The following MACROD2 variants were observed in gnomAD, a reference collection of about 807,000 sequenced individuals.
MACROD2 encodes mono-ADP ribosylhydrolase 2, also known as ADP-ribose glycohydrolase MACROD2.
A neutral mutation model predicts 70.4 loss-of-function variants in MACROD2; 36 were observed. The ratio of observed to expected loss-of-function variants is 0.51; its 90% confidence interval spans 0.39 to 0.68. The LOEUF is 0.68. Among genes scored for constraint, MACROD2 ranks in the 30% least tolerant of loss-of-function variants. The probability of loss-of-function intolerance (pLI) is 0.00; values close to 1 mark genes in which losing one functional copy is unlikely to be tolerated. For missense variants in MACROD2, 496 were observed against 538.4 expected, an observed-to-expected ratio of 0.92 and a Z score of 0.78; for synonymous variants, 172 against 178.8, an observed-to-expected ratio of 0.96 and a Z score of 0.30.
At chr20:14,194,066 C>A (rs974399050) in intron 3 of MACROD2, among the ~76,000 whole-genome samples, 18 of 152,126 alleles carry the variant, frequency 1.2e-4, no homozygotes, top group African/African-American at 4.3e-4. Flanking sequence ...GGTCAGTCTA[C>A]TGGAGGGACT....
intron 3 of MACROD2, among the ~76,000 whole-genome samples, chr20:14,115,846 A>G (rs565561579): frequency 6.6e-6 from 1 of 152,304 alleles, no homozygotes; most frequent in South Asian, 2.1e-4. Flanking sequence ...AGTGATTCTG[A>G]TTTTTCCTTA....
chr20:14,213,381 A>AAAAAAAAAAAAC (rs2081586868), intron 3 of MACROD2, among the ~76,000 whole-genome samples: 2 of 148,680 alleles, frequency 1.3e-5, no homozygotes, highest in African/African-American at 2.5e-5. Flanking sequence ...AAAAAAAAAA[A>AAAAAAAAAAAAC]AAAAAGGCCA....
chr20:15,372,614 T>C (rs1385209634), intron 6 of MACROD2, among the ~76,000 whole-genome samples: 2 of 152,202 alleles, frequency 1.3e-5, no homozygotes, highest in Non-Finnish European at 2.9e-5. Context: ...TAATTATGTG[T>C]TGCCAAAATA....
intron 5 of MACROD2, among the ~76,000 whole-genome samples, chr20:14,701,808 C>T (rs2071200129): frequency 6.6e-6 from 1 of 152,110 alleles, no homozygotes; most frequent in Non-Finnish European, 1.5e-5. Context: ...TGTCCCTGAG[C>T]TTGGTGTGAT....
At chr20:14,068,142 C>G (rs1050734410) in intron 2 of MACROD2, among the ~76,000 whole-genome samples, 1 of 152,188 alleles carries the variant, frequency 6.6e-6, no homozygotes, top group South Asian at 2.1e-4. Context: ...GCTCGCCCTT[C>G]CAATTCAACA....
At chr20:15,154,512 T>C (rs1400464526) in intron 5 of MACROD2, among the ~76,000 whole-genome samples, 2 of 152,218 alleles carry the variant, frequency 1.3e-5, no homozygotes, top group Admixed American at 1.3e-4. Flanking sequence ...CAAAGTACCA[T>C]AAACTGGGTG....
At chr20:15,793,541 A>G (rs2063645094) in intron 8 of MACROD2, among the ~76,000 whole-genome samples, 1 of 152,030 alleles carries the variant, frequency 6.6e-6, no homozygotes, top group Non-Finnish European at 1.5e-5. Flanking sequence ...TTTATACTTA[A>G]TCACATTTTA....
chr20:14,430,324 A>C (rs2083981054), intron 3 of MACROD2, among the ~76,000 whole-genome samples: 1 of 152,118 alleles, frequency 6.6e-6, no homozygotes, highest in Non-Finnish European at 1.5e-5. Flanking sequence ...CAGTCTTTAA[A>C]AGAGATCGAA....
At chr20:15,061,085 C>T (rs1378181429) in intron 5 of MACROD2, among the ~76,000 whole-genome samples, 1 of 152,176 alleles carries the variant, frequency 6.6e-6, no homozygotes, top group Non-Finnish European at 1.5e-5. Context: ...AATGATTTTA[C>T]AGCATGTATT....
chr20:15,868,756 A>G (rs895539640), intron 9 of MACROD2, among the ~76,000 whole-genome samples: 1 of 152,142 alleles, frequency 6.6e-6, no homozygotes, highest in African/African-American at 2.4e-5. Context: ...TATGACTGAA[A>G]AAACTACCAA....
chr20:14,037,344 G>A (rs1397791922), intron 2 of MACROD2, among the ~76,000 whole-genome samples: 1 of 152,124 alleles, frequency 6.6e-6, no homozygotes, highest in Non-Finnish European at 1.5e-5. Context: ...TACAATTATA[G>A]AAATATTTTT....
At chr20:14,138,484 T>C (rs528143447) in intron 3 of MACROD2, among the ~76,000 whole-genome samples, 1 of 152,188 alleles carries the variant, frequency 6.6e-6, no homozygotes, top group African/African-American at 2.4e-5. Flanking sequence ...TTATGTTAAA[T>C]GAAGTAATTT....
chr20:14,021,851 G>T (rs2053086367), intron 2 of MACROD2, among the ~76,000 whole-genome samples: 1 of 152,128 alleles, frequency 6.6e-6, no homozygotes, highest in Non-Finnish European at 1.5e-5. Context: ...GGGACATTCT[G>T]CTTCACGTAG....
chr20:15,050,239 G>A (rs544904854), intron 5 of MACROD2, among the ~76,000 whole-genome samples: 40 of 152,218 alleles, frequency 2.6e-4, no homozygotes, highest in African/African-American at 9.6e-4. Context: ...GTGGAATTAT[G>A]CATGTTAATA....
At chr20:15,718,113 C>T (rs1477728527) in intron 8 of MACROD2, among the ~76,000 whole-genome samples, 1 of 149,810 alleles carries the variant, frequency 6.7e-6, no homozygotes, top group African/African-American at 2.5e-5. Context: ...TCAAGTGATT[C>T]TCCTGCCTCA....
At chr20:14,477,350 C>T (rs2084606980) in intron 3 of MACROD2, among the ~76,000 whole-genome samples, 1 of 152,136 alleles carries the variant, frequency 6.6e-6, no homozygotes, top group African/African-American at 2.4e-5. Flanking sequence ...TCATCTGTGG[C>T]ATGATTTCAG....
intron 6 of MACROD2, among the ~76,000 whole-genome samples, chr20:15,413,581 A>G (rs1459449306): frequency 6.6e-6 from 1 of 152,078 alleles, no homozygotes; most frequent in Non-Finnish European, 1.5e-5. Flanking sequence ...GTGATTGGGG[A>G]GTGTTATTTA....
At chr20:15,946,920 G>T (rs972094801) in intron 12 of MACROD2, among the ~76,000 whole-genome samples, 4 of 152,132 alleles carry the variant, frequency 2.6e-5, no homozygotes, top group Admixed American at 6.5e-5. Flanking sequence ...AGGTCAGCAA[G>T]AAAACACGTG....
chr20:14,721,401 A>G (rs899194200), intron 5 of MACROD2, among the ~76,000 whole-genome samples: 1 of 152,112 alleles, frequency 6.6e-6, no homozygotes, highest in Non-Finnish European at 1.5e-5. Flanking sequence ...TGTCTCAAAA[A>G]CAAATGAACC....
Sources: gnomAD v4.1 joint callset for allele counts (sites outside exome capture counted in the v4.1 genomes callset) on GRCh38, gnomAD v4.1.1 for gene constraint, MANE v1.5 for transcripts, NCBI Gene and HGNC (gene_info 2026-07-23, HGNC 2026-07-21) for gene names.